The following DCC variants were observed in gnomAD, a reference collection of about 807,000 sequenced individuals.
The protein encoded by DCC is DCC netrin 1 receptor, also known as netrin receptor DCC.
DCC carries 58 observed loss-of-function variants against 172.5 expected under a neutral mutation model. That is an observed-to-expected ratio of 0.34 (90% CI 0.27 to 0.42). The LOEUF (loss-of-function observed/expected upper bound fraction) is 0.42, where lower values mean the gene tolerates loss of function less well. DCC is among the 10% of genes least tolerant of loss of function. DCC has a pLI of 1.00. For missense variants in DCC, 1,740 were observed against 1,791.0 expected (o/e 0.97, Z 0.51); for synonymous variants, 709 against 644.5 (o/e 1.10, Z -1.52).
chr18:53,117,684 T>A (rs1002974209), intron 7 of DCC, among the ~76,000 whole-genome samples: 2 of 126,532 alleles, frequency 1.6e-5, no homozygotes, highest in Non-Finnish European at 3.8e-5. Context: ...GTCAGCAAAC[T>A]TTTTTTTGTA....
chr18:53,393,912 TCC>T (rs142452455), intron 17 of DCC, among the ~76,000 whole-genome samples: 13 of 140,562 alleles, frequency 9.2e-5, no homozygotes, highest in Non-Finnish European at 1.4e-4. Flanking sequence ...TCTCTCTCTC[TCC>T]CTCTCTCCCT....
intron 2 of DCC, among the ~76,000 whole-genome samples, chr18:52,903,050 C>A (rs544097204): frequency 6.6e-6 from 1 of 152,278 alleles, no homozygotes; most frequent in Admixed American, 6.5e-5. Context: ...GTATCGAATT[C>A]TTCCAAGTAG....
At chr18:52,744,583 TA>T (rs1466859764) in intron 1 of DCC, among the ~76,000 whole-genome samples, 3 of 152,226 alleles carry the variant, frequency 2.0e-5, no homozygotes, top group Non-Finnish European at 2.9e-5. Context: ...ATTCTGACAA[TA>T]TTTTTTAATG....
At chr18:52,802,641 G>C (rs1295145449) in intron 2 of DCC, among the ~76,000 whole-genome samples, 1 of 67,452 alleles carries the variant, frequency 1.5e-5, no homozygotes, top group Non-Finnish European at 2.8e-5. Flanking sequence ...ACCACGCCAA[G>C]CCTTTTTTTT....
intron 2 of DCC, among the ~76,000 whole-genome samples, chr18:52,834,293 A>G (rs2038665622): frequency 6.6e-6 from 1 of 152,220 alleles, no homozygotes; most frequent in African/African-American, 2.4e-5. Context: ...ACGGAAACAT[A>G]CAACATTTAA....
chr18:53,242,107 A>G (rs1459815841), intron 12 of DCC, among the ~76,000 whole-genome samples: 1 of 152,154 alleles, frequency 6.6e-6, no homozygotes, highest in Admixed American at 6.6e-5. Context: ...AACAGGGAAG[A>G]AATGGTGGGC....
intron 8 of DCC, among the ~76,000 whole-genome samples, chr18:53,175,562 G>T (rs1227439981): frequency 6.7e-6 from 1 of 148,790 alleles, no homozygotes; most frequent in African/African-American, 2.4e-5. Context: ...AATCATGAGT[G>T]AACTCCCATT....
chr18:52,762,620 T>C (rs1426131710), intron 2 of DCC, among the ~76,000 whole-genome samples: 6 of 152,180 alleles, frequency 3.9e-5, no homozygotes, highest in Non-Finnish European at 8.8e-5. Context: ...AGACAGGAGT[T>C]TGAGACCAGT....
intron 18 of DCC, among the ~76,000 whole-genome samples, chr18:53,400,403 A>C (rs904250315): frequency 2.0e-5 from 3 of 152,146 alleles, no homozygotes; most frequent in Non-Finnish European, 4.4e-5. Flanking sequence ...AAGTACATAA[A>C]ATAAAACAGA....
intron 12 of DCC, among the ~76,000 whole-genome samples, chr18:53,254,386 G>A (rs2056478521): frequency 6.6e-6 from 1 of 151,914 alleles, no homozygotes; most frequent in Non-Finnish European, 1.5e-5. Context: ...ATTTGTACTG[G>A]ACTTCTTTAG....
intron 12 of DCC, among the ~76,000 whole-genome samples, chr18:53,280,227 CTG>C (rs1280753191): frequency 1.3e-5 from 2 of 152,056 alleles, no homozygotes; most frequent in Admixed American, 6.6e-5. Context: ...TATAAGCAAA[CTG>C]TTATTTTTAT....
chr18:53,211,637 T>A (rs2055754169), intron 11 of DCC, among the ~76,000 whole-genome samples: 1 of 152,036 alleles, frequency 6.6e-6, no homozygotes. Flanking sequence ...GGCAGGAGAA[T>A]GGCGTGAACC....
chr18:52,938,542 T>A (rs541624530), intron 5 of DCC, among the ~76,000 whole-genome samples: 1 of 152,270 alleles, frequency 6.6e-6, no homozygotes, highest in East Asian at 1.9e-4. Context: ...GTATCATTAT[T>A]TATACCTTGC....
chr18:53,474,577 C>T (rs192050784), intron 25 of DCC, among the ~76,000 whole-genome samples: 1 of 152,244 alleles, frequency 6.6e-6, no homozygotes. Flanking sequence ...GGGAGTCTCC[C>T]TGCACAAGCT....
intron 12 of DCC, among the ~76,000 whole-genome samples, chr18:53,273,713 G>A (rs1331533431): frequency 6.7e-6 from 1 of 149,386 alleles, no homozygotes; most frequent in Non-Finnish European, 1.5e-5. Flanking sequence ...ATCTCCTTAG[G>A]TCCTATCTCT....
chr18:53,206,271 A>ATAACACATATATACCACATATATGTATTG (rs1486084781), intron 10 of DCC, among the ~76,000 whole-genome samples: 6 of 134,282 alleles, frequency 4.5e-5, no homozygotes, highest in South Asian at 2.3e-4. Flanking sequence ...TATATGTATT[A>ATAACACATATATACCACATATATGTATTG]TAACACATAT....
intron 1 of DCC, among the ~76,000 whole-genome samples, chr18:52,723,664 T>C (rs143381287): frequency 6.8e-4 from 104 of 152,290 alleles, no homozygotes; most frequent in African/African-American, 2.5e-3. Context: ...CTTTGGAATG[T>C]TCTGTCTGAG....
At chr18:53,147,183 C>T (rs1415887775) in intron 7 of DCC, among the ~76,000 whole-genome samples, 1 of 152,144 alleles carries the variant, frequency 6.6e-6, no homozygotes. Flanking sequence ...ATATCATTTT[C>T]TTCACTGCAG....
Position 53,412,763 on chromosome 18 carries a change from C to G in DCC, c.3130+2117C>G, listed in dbSNP as rs1032679975. On this transcript the variant is annotated intron_variant, in intron 20 of 28. Coordinates refer to ENST00000442544, the MANE Select transcript of DCC (RefSeq NM_005215.4). ...GGATCGCAGCATTTTATTCTAGAGG[C>G]TAGCATTTGGTCTTTTTGATATTAA... 2.6e-5 allele frequency among the ~76,000 whole-genome samples: 4 copies of G among 152,108 alleles called. No homozygotes were observed. The South Asian group carries it at 6.2e-4, about 24-fold the overall frequency.
Sources: allele counts gnomAD v4.1 joint callset (sites outside exome capture counted in the v4.1 genomes callset), GRCh38; gene constraint gnomAD v4.1.1; transcripts MANE v1.5; gene names NCBI Gene and HGNC (gene_info 2026-07-23, HGNC 2026-07-21).